Variants in PRKN observed in about 807,000 individuals in gnomAD.
PRKN encodes E3 ubiquitin-protein ligase parkin.
Under a neutral mutation model 59.5 loss-of-function variants are expected in PRKN, and 56 were observed. That is an observed-to-expected ratio of 0.94 (90% confidence interval 0.76 to 1.18). The LOEUF (loss-of-function observed/expected upper bound fraction) is 1.18, where lower values mean the gene tolerates loss of function less well. Among genes scored for constraint, PRKN ranks in the 50% most tolerant of loss-of-function variants. PRKN has a pLI of 0.00. For missense variants in PRKN, 657 were observed against 596.4 expected (o/e 1.10, Z -1.06); for synonymous variants, 250 against 222.1 (o/e 1.13, Z -1.12).
Position 162,531,940 on chromosome 6 carries a change from CA to C in PRKN, c.8-88468del, listed in dbSNP as rs35097200. On this transcript the variant is annotated intron_variant, in intron 1 of 11. Transcript: ENST00000366898. ...GGGCAACACAGCCAGACTCTGACTC[CA>C]AAAAAAAAAAAAAAAAATGTAACAA... Among the ~76,000 whole-genome samples, 281 of 106,472 alleles carry C rather than the reference CA, an allele frequency of 2.6e-3. 1 individual carries two copies. The highest frequency in any genetic ancestry group is 8.4e-3 in the Admixed American group (88 of 10,418). 69.8% of individuals were successfully genotyped at this position (106,472 alleles called of 152,430 possible). A position where few individuals can be genotyped will look rare whatever the true frequency, so the allele number is the denominator to read the frequency against.
chr6:161,557,935 GC>G (rs1780300712), intron 8 of PRKN, among the ~76,000 whole-genome samples: 2 of 152,232 alleles, frequency 1.3e-5, no homozygotes, highest in East Asian at 3.9e-4. Context: ...ATAAATTATA[GC>G]TTTTGTTACA....
intron 1 of PRKN, among the ~76,000 whole-genome samples, chr6:162,567,440 C>T (rs1450094521): frequency 2.0e-5 from 3 of 152,070 alleles, no homozygotes; most frequent in Non-Finnish European, 4.4e-5. Context: ...ACAAAATCTA[C>T]ATACAAAAAT....
At chr6:162,600,833 G>A (rs1781679209) in intron 1 of PRKN, among the ~76,000 whole-genome samples, 1 of 152,088 alleles carries the variant, frequency 6.6e-6, no homozygotes, top group African/African-American at 2.4e-5. Context: ...ATAATTGTAA[G>A]TTTCCTGAGG....
intron 1 of PRKN, among the ~76,000 whole-genome samples, chr6:162,613,481 T>C (rs902339628): frequency 6.6e-6 from 1 of 152,220 alleles, no homozygotes. Flanking sequence ...ACTCACTACG[T>C]CACTTTACAG....
chr6:161,743,213 CTTTTTTTT>C (rs768890758), intron 7 of PRKN, among the ~76,000 whole-genome samples: 9 of 84,568 alleles, frequency 1.1e-4, no homozygotes, highest in African/African-American at 4.3e-4. Context: ...TGGTTTCTAC[CTTTTTTTT>C]TTTTTTTTTT....
At chr6:161,420,570 A>G (rs1022481759) in intron 9 of PRKN, among the ~76,000 whole-genome samples, 6 of 151,690 alleles carry the variant, frequency 4.0e-5, no homozygotes, top group East Asian at 1.9e-4. Flanking sequence ...CGGGAGTGCA[A>G]TGGTACAATA....
At chr6:162,639,229 G>A (rs1323963638) in intron 1 of PRKN, among the ~76,000 whole-genome samples, 1 of 152,082 alleles carries the variant, frequency 6.6e-6, no homozygotes, top group Non-Finnish European at 1.5e-5. Flanking sequence ...CACAGTCAAT[G>A]GCGCCATTTC....
intron 6 of PRKN, among the ~76,000 whole-genome samples, chr6:161,926,600 G>A (rs1379825659): frequency 6.6e-6 from 1 of 152,162 alleles, no homozygotes; most frequent in Non-Finnish European, 1.5e-5. Context: ...CTGGGGCCTG[G>A]TGACCTCTAC....
intron 1 of PRKN, among the ~76,000 whole-genome samples, chr6:162,511,912 A>T (rs1303573693): frequency 1.3e-5 from 2 of 152,186 alleles, no homozygotes; most frequent in East Asian, 3.9e-4. Flanking sequence ...GAAAATGATG[A>T]TGTCTCAATG....
At chr6:161,973,268 G>A (rs565463567) in intron 6 of PRKN, 34 bp downstream of exon 6, 3 of 1,327,586 alleles carry the variant, frequency 2.3e-6, no homozygotes, top group African/African-American at 2.9e-5. Context: ...CCTCACGTCC[G>A]TGGAGGGAAG....
chr6:162,115,430 G>A (rs1780627472), intron 4 of PRKN, among the ~76,000 whole-genome samples: 1 of 151,570 alleles, frequency 6.6e-6, no homozygotes, highest in Admixed American at 6.6e-5. Context: ...CACCAGCAAG[G>A]CACATGTATA....
chr6:162,484,028 G>C (rs1430385176), intron 1 of PRKN, among the ~76,000 whole-genome samples: 1 of 152,088 alleles, frequency 6.6e-6, no homozygotes, highest in Admixed American at 6.5e-5. Context: ...GCTATCATTT[G>C]ATCATCTGTA....
chr6:162,428,909 A>G (rs9365420), intron 2 of PRKN, among the ~76,000 whole-genome samples: 83,810 of 151,994 alleles, frequency 0.55, 24,037 homozygotes, highest in East Asian at 0.71. Flanking sequence ...TTTTCTGCAG[A>G]TATTCCCAGG....
intron 5 of PRKN, among the ~76,000 whole-genome samples, chr6:162,033,444 T>C (rs1017805736): frequency 6.6e-6 from 1 of 152,232 alleles, no homozygotes; most frequent in African/African-American, 2.4e-5. Context: ...TAATTCACAA[T>C]GCATACTTTA....
At chr6:162,562,057 G>A (rs575305587) in intron 1 of PRKN, among the ~76,000 whole-genome samples, 1 of 152,196 alleles carries the variant, frequency 6.6e-6, no homozygotes, top group Admixed American at 6.5e-5. Flanking sequence ...TTGAGGAGAG[G>A]AGATGGAGGA....
At chr6:162,276,404 T>C (rs1281799731) in intron 2 of PRKN, among the ~76,000 whole-genome samples, 2 of 152,190 alleles carry the variant, frequency 1.3e-5, no homozygotes, top group Non-Finnish European at 1.5e-5. Flanking sequence ...TCATTAAAGA[T>C]GTATAGTCAA....
intron 6 of PRKN, among the ~76,000 whole-genome samples, chr6:161,968,187 ATTTTTTTT>A (rs530441181): frequency 6.3e-5 from 8 of 128,000 alleles, no homozygotes; most frequent in Non-Finnish European, 8.1e-5. Flanking sequence ...TGCCTGGCTA[ATTTTTTTT>A]TTTTTTTTTT....
chr6:161,745,736 C>T (rs951504129), intron 7 of PRKN, among the ~76,000 whole-genome samples: 7 of 152,110 alleles, frequency 4.6e-5, no homozygotes, highest in Non-Finnish European at 8.8e-5. Context: ...GGGGAGGATT[C>T]CAGGTGGGAT....
At chr6:161,923,729 C>T (rs1433211270) in intron 6 of PRKN, among the ~76,000 whole-genome samples, 1 of 152,134 alleles carries the variant, frequency 6.6e-6, no homozygotes, top group African/African-American at 2.4e-5. Flanking sequence ...CCTTTACCCC[C>T]TAATTGTTTA....
Sources: gnomAD v4.1 joint callset for allele counts (sites outside exome capture counted in the v4.1 genomes callset) on GRCh38, gnomAD v4.1.1 for gene constraint, MANE v1.5 for transcripts, NCBI Gene and HGNC (gene_info 2026-07-23, HGNC 2026-07-21) for gene names.